The following GFOD1 variants were observed in gnomAD, a reference collection of about 807,000 sequenced individuals.
The protein encoded by GFOD1 is glucose-fructose oxidoreductase domain-containing protein 1.
GFOD1 carries 9 observed loss-of-function variants against 25.4 expected under a neutral mutation model. The observed-to-expected ratio is 0.35, with a 90% CI of 0.21 to 0.62. The LOEUF (loss-of-function observed/expected upper bound fraction) is 0.62, where lower values mean the gene tolerates loss of function less well. GFOD1 is among the 20% of genes least tolerant of loss of function. The probability of loss-of-function intolerance (pLI) is 0.72; values close to 1 mark genes in which losing one functional copy is unlikely to be tolerated. For synonymous variants in GFOD1, 253 were observed against 245.6 expected (o/e 1.03, Z -0.28); for missense variants, 403 against 556.9 (o/e 0.72, Z 2.78).
rs1562190319 is a variant in GFOD1 at position 13,360,991 on chromosome 6, CT to C, written c.*3751del. ...CTCTTCCTCTTACTGCCTCCATTTT[CT>C]CATGTGTATAAAAGAAATAGCAATA... On this transcript the variant is annotated 3_prime_UTR_variant, in exon 2 of 2. Coordinates refer to ENST00000379287, the MANE Select transcript of GFOD1 (RefSeq NM_018988.4). The C allele has an allele frequency of 2.6e-6, 1 of 392,124 alleles. No homozygotes were observed. Among genetic ancestry groups the C allele is most frequent in the Non-Finnish European group, 5.1e-6 (1 of 195,932 alleles). The allele number at this position is 392,124 out of a possible 1,614,324, so 24.3% of individuals were successfully genotyped here.
rs567324358 is a variant in GFOD1, at chr6:13,483,517, A to G, written c.253+3121T>C. Among the ~76,000 whole-genome samples, 7 of 152,294 alleles carry G rather than the reference A, an allele frequency of 4.6e-5. 1 individual carries two copies. The South Asian group carries it at 1.5e-3, about 32-fold the overall frequency. ...ACATGACCAGGTCTCTAGCACTGCCAGATACTCCATACCTGGCAGCAGTGT... is the reference window on the plus strand; with the variant it reads ...ACATGACCAGGTCTCTAGCACTGCCGGATACTCCATACCTGGCAGCAGTGT... On this transcript the variant is annotated intron_variant, in intron 1 of 1. Coordinates refer to ENST00000379287, the MANE Select transcript of GFOD1 (RefSeq NM_018988.4).
chr6:13,378,699 G>A (rs1320033695), intron 1 of GFOD1, among the ~76,000 whole-genome samples: 1 of 152,208 alleles, frequency 6.6e-6, no homozygotes, highest in Admixed American at 6.5e-5. Context: ...GAACCAGGCA[G>A]TGATGGGCAT....
intron 1 of GFOD1, among the ~76,000 whole-genome samples, chr6:13,400,398 C>T (rs902416082): frequency 1.3e-5 from 2 of 152,170 alleles, no homozygotes; most frequent in African/African-American, 4.8e-5. Context: ...AGCTCCTAGG[C>T]ACCTCTGTGC....
At chr6:13,409,610 A>G (rs1786033902) in intron 1 of GFOD1, among the ~76,000 whole-genome samples, 1 of 152,190 alleles carries the variant, frequency 6.6e-6, no homozygotes, top group South Asian at 2.1e-4. Flanking sequence ...CACTATTTGA[A>G]CTTAACAGAT....
chr6:13,367,628 T>G (rs1785072500), intron 1 of GFOD1, among the ~76,000 whole-genome samples: 1 of 151,902 alleles, frequency 6.6e-6, no homozygotes, highest in Non-Finnish European at 1.5e-5. Context: ...GTTCTGGGTC[T>G]GGGGAAAACA....
chr6:13,441,517 A>T (rs1270453378), intron 1 of GFOD1, among the ~76,000 whole-genome samples: 1 of 152,248 alleles, frequency 6.6e-6, no homozygotes, highest in East Asian at 1.9e-4. Flanking sequence ...GAAAATTGGT[A>T]AGATAGTAGA....
chr6:13,450,454 T>G (rs1335027346), intron 1 of GFOD1, among the ~76,000 whole-genome samples: 1 of 152,208 alleles, frequency 6.6e-6, no homozygotes. Flanking sequence ...CAGCTGTTCC[T>G]ATGGCTAAGA....
intron 1 of GFOD1, among the ~76,000 whole-genome samples, chr6:13,387,508 A>G (rs1403676895): frequency 6.6e-6 from 1 of 152,210 alleles, no homozygotes; most frequent in African/African-American, 2.4e-5. Flanking sequence ...CAGAACCAAC[A>G]ACAAAAACCA....
intron 1 of GFOD1, among the ~76,000 whole-genome samples, chr6:13,482,202 A>C (rs1758768018): frequency 6.7e-6 from 1 of 148,676 alleles, no homozygotes; most frequent in Non-Finnish European, 1.5e-5. Context: ...GTATATGTAA[A>C]GATATAAATA....
rs1784917711 is a variant in GFOD1, at chr6:13,359,687, G to GC, written c.*5055dup. ...TTCCCGGCTGGGCACGGTGGATCAC[G>GC]CCTGTCATCCCAGCACTTTGGGAGG... is the stretch of plus-strand genomic sequence containing the variant. On this transcript the variant is annotated 3_prime_UTR_variant, in exon 2 of 2. Transcript: ENST00000379287. 6.6e-6 allele frequency: 1 copy of GC among 152,174 alleles called. No individual in the cohort carries two copies. The highest frequency in any genetic ancestry group is 6.5e-5 in the Admixed American group (1 of 15,284). 9.4% of individuals were successfully genotyped at this position (152,174 alleles called of 1,614,324 possible).
At chr6:13,407,424 C>T (rs1160144740) in intron 1 of GFOD1, among the ~76,000 whole-genome samples, 1 of 152,218 alleles carries the variant, frequency 6.6e-6, no homozygotes, top group Non-Finnish European at 1.5e-5. Flanking sequence ...TCAAAGACTA[C>T]ATCTTCCTCC....
At chr6:13,379,117 C>T (rs1213632927) in intron 1 of GFOD1, among the ~76,000 whole-genome samples, 2 of 152,316 alleles carry the variant, frequency 1.3e-5, no homozygotes, top group East Asian at 3.9e-4. Context: ...TGTGCCAAGG[C>T]CCAGGGAGTG....
intron 1 of GFOD1, among the ~76,000 whole-genome samples, chr6:13,472,996 C>T (rs1758541371): frequency 6.6e-6 from 1 of 152,172 alleles, no homozygotes; most frequent in Non-Finnish European, 1.5e-5. Flanking sequence ...CATGAGCTCT[C>T]ACTTCTGAAT....
At chr6:13,402,906 A>G (rs1196285168) in intron 1 of GFOD1, among the ~76,000 whole-genome samples, 1 of 152,228 alleles carries the variant, frequency 6.6e-6, no homozygotes, top group Non-Finnish European at 1.5e-5. Flanking sequence ...TGTTCACCAT[A>G]GCCAAAAGGT....
intron 1 of GFOD1, chr6:13,470,162 T>G (rs1295022198): frequency 1.3e-6 from 2 of 1,534,876 alleles, no homozygotes; most frequent in Non-Finnish European, 1.8e-6. Context: ...GATGTCCCAC[T>G]GGCTTCCCCA....
At chr6:13,405,254 C>T (rs549876971) in intron 1 of GFOD1, among the ~76,000 whole-genome samples, 4 of 152,062 alleles carry the variant, frequency 2.6e-5, no homozygotes, top group Non-Finnish European at 5.9e-5. Context: ...CAGTACTTTC[C>T]CAATAGGAGA....
chr6:13,427,067 C>T lies in GFOD1; in HGVS notation c.253+59571G>A, dbSNP rs140273892. 1.2e-3 allele frequency among the ~76,000 whole-genome samples: 183 copies of T among 152,210 alleles called. 2 individuals carry two copies. The highest frequency in any genetic ancestry group is 4.2e-3 in the African/African-American group (175 of 41,512). On this transcript the variant is annotated intron_variant, in intron 1 of 1. Coordinates refer to ENST00000379287, the MANE Select transcript of GFOD1 (RefSeq NM_018988.4). ...ACTACAAGGAAGCGGGCAGTGGCTC[C>T]GAAGTTGTGTGTGATTGGACCTCAC...
chr6:13,378,769 T>C (rs1292591044), intron 1 of GFOD1, among the ~76,000 whole-genome samples: 1 of 152,150 alleles, frequency 6.6e-6, no homozygotes, highest in Non-Finnish European at 1.5e-5. Context: ...CGGGATCACA[T>C]TAACCCCACC....
intron 1 of GFOD1, among the ~76,000 whole-genome samples, chr6:13,460,249 CTG>C (rs557121147): frequency 2.2e-4 from 33 of 152,322 alleles, no homozygotes; most frequent in African/African-American, 5.3e-4. Context: ...GTGGAAGACA[CTG>C]TGGTGATTCC....
Sources: gnomAD v4.1 joint callset for allele counts (sites outside exome capture counted in the v4.1 genomes callset) on GRCh38, gnomAD v4.1.1 for gene constraint, MANE v1.5 for transcripts, NCBI Gene and HGNC (gene_info 2026-07-23, HGNC 2026-07-21) for gene names.